SORCS2: variants seen among roughly 807,000 people sequenced by gnomAD.
SORCS2 encodes the protein sortilin related VPS10 domain containing receptor 2, also known as VPS10 domain-containing receptor SorCS2.
SORCS2 carries 100 observed loss-of-function variants against 141.6 expected under a neutral mutation model. The observed-to-expected ratio is 0.71, with a 90% CI of 0.60 to 0.83. The LOEUF (loss-of-function observed/expected upper bound fraction) is 0.83. SORCS2 is among the 40% of genes least tolerant of loss of function. The pLI is 0.00. For synonymous variants in SORCS2, 789 were observed against 676.9 expected (o/e 1.17, Z -2.57); for missense variants, 1,646 against 1,560.2 (o/e 1.05, Z -0.93).
rs769255245 is a variant in SORCS2 at position 7,474,740 on chromosome 4, C to CT, written c.549-56788dup. On this transcript the variant is annotated intron_variant, in intron 2 of 26. Coordinates refer to ENST00000507866, the MANE Select transcript of SORCS2 (RefSeq NM_020777.3). ...GAAGTTCCAGAAGTCTCTGTCTTTG[C>CT]TTCCTGGGGCTGCTATAATAAACGA... 5.5e-4 allele frequency among the ~76,000 whole-genome samples: 83 copies of CT among 152,184 alleles called. 1 individual carries two copies. Among genetic ancestry groups the CT allele is most frequent in the Admixed American group, 2.2e-3 (33 of 15,284 alleles).
At chr4:7,543,907 C>T (rs149040748) in intron 3 of SORCS2, among the ~76,000 whole-genome samples, 2 of 43,484 alleles carry the variant, frequency 4.6e-5, no homozygotes, top group Non-Finnish European at 9.0e-5. Context: ...CATCCATCCA[C>T]CCATCCACCC....
At chr4:7,512,899 A>G (rs1039091243) in intron 2 of SORCS2, among the ~76,000 whole-genome samples, 2 of 152,126 alleles carry the variant, frequency 1.3e-5, no homozygotes, top group Non-Finnish European at 1.5e-5. Flanking sequence ...CTGCCCCTCC[A>G]TGGCCTTGGA....
chr4:7,637,217 C>A (rs985498078), intron 3 of SORCS2, among the ~76,000 whole-genome samples: 1 of 152,182 alleles, frequency 6.6e-6, no homozygotes. Context: ...ACTAAACAAC[C>A]CACTGTGCTG....
chr4:7,367,348 C>T (rs1426265722), intron 1 of SORCS2, among the ~76,000 whole-genome samples: 2 of 152,232 alleles, frequency 1.3e-5, no homozygotes, highest in Non-Finnish European at 2.9e-5. Context: ...TTTGGACCCT[C>T]ACAGCCTGGG....
At position 7,603,052 on chromosome 4, in the gene SORCS2, C is replaced by G. The variant is rs9291137; in HGVS notation, c.649-35276C>G. ...TGTGCGCCTGCAATCGCAGGCACTC[C>G]GCAGGCTGAGGCAGGAGAATCAGGC... On this transcript the variant is annotated intron_variant, in intron 3 of 26. Coordinates refer to ENST00000507866, the MANE Select transcript of SORCS2 (RefSeq NM_020777.3). Among the ~76,000 whole-genome samples, 744 of 152,124 alleles carry G rather than the reference C, an allele frequency of 4.9e-3. 5 individuals carry two copies. Among genetic ancestry groups the G allele is most frequent in the African/African-American group, 0.014 (584 of 41,490 alleles).
chr4:7,441,689 C>G (rs1452638135), intron 2 of SORCS2, among the ~76,000 whole-genome samples: 1 of 147,562 alleles, frequency 6.8e-6, no homozygotes, highest in Non-Finnish European at 1.5e-5. Context: ...CCTGCCCCAG[C>G]CCAGGTTGTC....
chr4:7,523,863 C>G (rs1184429402), intron 2 of SORCS2, among the ~76,000 whole-genome samples: 1 of 152,214 alleles, frequency 6.6e-6, no homozygotes, highest in Non-Finnish European at 1.5e-5. Context: ...CTACCATGCC[C>G]TCCAGTGGTC....
At chr4:7,655,852 A>G (rs976769237) in intron 5 of SORCS2, among the ~76,000 whole-genome samples, 4 of 152,210 alleles carry the variant, frequency 2.6e-5, no homozygotes, top group African/African-American at 7.2e-5. Context: ...GGCCGGGCTC[A>G]TGGACAGCTC....
rs539590139 is a variant in SORCS2, at chr4:7,655,202, T to TGTACACACACAC, written c.887+995_887+996insGTACACACACAC. ...ATGGCATTCCTCTTTCTTGTGCGTG[T>TGTACACACACAC]ACACACACACACACACACACACACA... is the stretch of plus-strand genomic sequence containing the variant. On this transcript the variant is annotated intron_variant, in intron 5 of 26. Coordinates refer to ENST00000507866, the MANE Select transcript of SORCS2 (RefSeq NM_020777.3). 3.5e-3 allele frequency among the ~76,000 whole-genome samples: 528 copies of TGTACACACACAC among 148,978 alleles called. 3 individuals carry two copies. The highest frequency in any genetic ancestry group is 0.011 in the African/African-American group (463 of 40,536).
intron 3 of SORCS2, among the ~76,000 whole-genome samples, chr4:7,536,075 C>T (rs772919917): frequency 1.3e-5 from 2 of 152,176 alleles, no homozygotes; most frequent in African/African-American, 2.4e-5. Flanking sequence ...GGACGGGCCA[C>T]GTGCTGAGTG....
At chr4:7,691,558 T>C (rs1724257305) in intron 11 of SORCS2, among the ~76,000 whole-genome samples, 1 of 152,114 alleles carries the variant, frequency 6.6e-6, no homozygotes, top group African/African-American at 2.4e-5. Context: ...GCATGCTCTA[T>C]ATGCCCGGGG....
At chr4:7,740,126 G>A (rs1712540752) in intron 26 of SORCS2, 74 bp from the exon 27 acceptor site, 7 of 1,361,690 alleles carry the variant, frequency 5.1e-6, no homozygotes, top group African/African-American at 1.4e-5. Flanking sequence ...CTGAGGCCAC[G>A]ACCGTGTCCC....
At chr4:7,691,368 G>A (rs1162012276) in intron 11 of SORCS2, among the ~76,000 whole-genome samples, 3 of 152,226 alleles carry the variant, frequency 2.0e-5, no homozygotes, top group Non-Finnish European at 4.4e-5. Context: ...CTTCTGGGTG[G>A]AAGGGGGAAC....
intron 2 of SORCS2, among the ~76,000 whole-genome samples, chr4:7,460,336 AC>A (rs1729217172): frequency 6.6e-6 from 1 of 152,024 alleles, no homozygotes; most frequent in Admixed American, 6.6e-5. Flanking sequence ...TAACCAGCCA[AC>A]CCCAGTCGGT....
At chr4:7,345,877 G>GA (rs1720626097) in intron 1 of SORCS2, among the ~76,000 whole-genome samples, 1 of 152,066 alleles carries the variant, frequency 6.6e-6, no homozygotes, top group African/African-American at 2.4e-5. Context: ...TTTTCCCTCC[G>GA]GTGGGTACCT....
At chr4:7,270,142 A>T (rs1344390112) in intron 1 of SORCS2, among the ~76,000 whole-genome samples, 8 of 152,242 alleles carry the variant, frequency 5.3e-5, no homozygotes, top group Admixed American at 5.2e-4. Context: ...TGGCCTCCCA[A>T]AGTGCTGGGA....
chr4:7,522,492 T>G (rs1302220101), intron 2 of SORCS2, among the ~76,000 whole-genome samples: 2 of 152,184 alleles, frequency 1.3e-5, no homozygotes, highest in African/African-American at 4.8e-5. Flanking sequence ...TGGGTGCAGT[T>G]AAAGAACTTG....
intron 1 of SORCS2, among the ~76,000 whole-genome samples, chr4:7,350,527 C>T (rs1402300491): frequency 1.3e-5 from 2 of 152,222 alleles, no homozygotes; most frequent in Non-Finnish European, 2.9e-5. Flanking sequence ...GCCTGCAGCT[C>T]CTGGCACCTA....
rs1022834277 is a variant in SORCS2 at position 7,544,022 on chromosome 4, A to G, written c.648+12393A>G. ...CATCCATCCATCCATCCACCCATCC[A>G]TCCATCCAGCCACCCACCCATCCAT... On this transcript the variant is annotated intron_variant, in intron 3 of 26. Transcript: ENST00000507866. Among the ~76,000 whole-genome samples, 167 of 141,696 alleles carry G rather than the reference A, an allele frequency of 1.2e-3. 1 individual carries two copies. Among genetic ancestry groups the G allele is most frequent in the African/African-American group, 4.2e-3 (156 of 37,230 alleles). 93.0% of individuals were successfully genotyped at this position (141,696 alleles called of 152,430 possible).
Sources: allele counts gnomAD v4.1 joint callset (sites outside exome capture counted in the v4.1 genomes callset), GRCh38; gene constraint gnomAD v4.1.1; transcripts MANE v1.5; gene names NCBI Gene and HGNC (gene_info 2026-07-23, HGNC 2026-07-21).